The following SOS1 variants were observed in gnomAD, a reference collection of about 807,000 sequenced individuals.
SOS1 encodes the protein son of sevenless homolog 1.
SOS1 carries 25 observed loss-of-function variants against 157.6 expected under a neutral mutation model. That is an observed-to-expected ratio of 0.16 (90% confidence interval 0.12 to 0.22). SOS1 has a LOEUF of 0.22. Among genes scored for constraint, SOS1 ranks in the 10% least tolerant of loss-of-function variants. SOS1 has a pLI of 1.00. For missense variants in SOS1, 1,237 were observed against 1,599.1 expected, an observed-to-expected ratio of 0.77 and a Z score of 3.86; for synonymous variants, 528 against 534.0, an observed-to-expected ratio of 0.99 and a Z score of 0.16.
Position 38,984,201 on chromosome 2 carries a change from A to G in SOS1, c.*1623T>C, listed in dbSNP as rs1325014263. The G allele has an allele frequency of 1.3e-5, 1 of 74,936 alleles. No homozygotes were observed. The highest frequency in any genetic ancestry group is 2.7e-5 in the Non-Finnish European group (1 of 37,634). 4.6% of individuals were successfully genotyped at this position (74,936 alleles called of 1,614,324 possible). On this transcript the variant is annotated 3_prime_UTR_variant, in exon 23 of 23. Coordinates refer to ENST00000402219, the MANE Select transcript of SOS1 (RefSeq NM_005633.4). ...TTCATTATTCAGAGGATACATGCAG[A>G]TGCTGATGAACCAGATAAACTCTCT... is the stretch of plus-strand genomic sequence containing the variant.
Position 39,120,664 on chromosome 2 carries a change from A to G in SOS1, c.-242T>C, listed in dbSNP as rs1673845695. On this transcript the variant is annotated 5_prime_UTR_variant, in exon 1 of 23. It removes an upstream start codon present in the reference 5' UTR. Coordinates refer to ENST00000402219, the MANE Select transcript of SOS1 (RefSeq NM_005633.4). ...ACGGACGCGGCCCGGAGGCGGCGGC[A>G]TCCCGCACCACCGCCCCGGGGCCAG... Among the ~76,000 whole-genome samples, 2 of 146,554 alleles carry G rather than the reference A, an allele frequency of 1.4e-5. No homozygotes were observed. Among genetic ancestry groups the G allele is most frequent in the Admixed American group, 1.4e-4 (2 of 14,810 alleles).
At chr2:39,024,271 T>TTTA in intron 8 of SOS1, 134 bp from the exon 9 acceptor site, 1 of 766,428 alleles carries the variant, frequency 1.3e-6, no homozygotes, top group Non-Finnish European at 2.2e-6. Flanking sequence ...CAAATATTCT[T>TTTA]TTTAAAAGTG....
At chr2:39,110,400 C>G (rs1673378924) in intron 1 of SOS1, among the ~76,000 whole-genome samples, 1 of 150,268 alleles carries the variant, frequency 6.7e-6, no homozygotes, top group Non-Finnish European at 1.5e-5. Flanking sequence ...TGCACAGATG[C>G]AGAGGACTGA....
intron 20 of SOS1, chr2:38,993,860 A>G (rs1668811184): frequency 6.6e-6 from 1 of 152,238 alleles, no homozygotes; most frequent in Admixed American, 6.5e-5. Flanking sequence ...CGGTAAGGGC[A>G]TGTGGAAATG....
rs1390069051 is a variant in SOS1, at chr2:39,006,357, A to G, written c.2791+55T>C. 7.0e-6 allele frequency: 6 copies of G among 859,372 alleles called. No homozygotes were observed. The East Asian group carries it at 9.7e-5, about 14-fold the overall frequency. The allele number at this position is 859,372 out of a possible 1,614,324, so 53.2% of individuals were successfully genotyped here. On this transcript the variant is annotated intron_variant, in intron 17 of 22. Coordinates refer to ENST00000402219, the MANE Select transcript of SOS1 (RefSeq NM_005633.4). ...TGTAATTATTCAGTCATTTAATGAA[A>G]TGAGTGTTTTGTTTTATCCAGAAAT...
chr2:39,088,002 A>G (rs1672438780), intron 1 of SOS1, among the ~76,000 whole-genome samples: 1 of 151,196 alleles, frequency 6.6e-6, no homozygotes, highest in African/African-American at 2.4e-5. Context: ...GTAGAATGCT[A>G]AATAATTATT....
At chr2:39,106,479 T>C (rs1673188653) in intron 1 of SOS1, among the ~76,000 whole-genome samples, 2 of 147,784 alleles carry the variant, frequency 1.4e-5, no homozygotes, top group African/African-American at 5.0e-5. Context: ...TCGTCCCAGC[T>C]ACTTGGGAGG....
At chr2:39,118,196 T>C (rs1673726970) in intron 1 of SOS1, among the ~76,000 whole-genome samples, 1 of 152,196 alleles carries the variant, frequency 6.6e-6, no homozygotes, top group Non-Finnish European at 1.5e-5. Context: ...TCTAGAAGGA[T>C]GAGTAGTGTT....
At chr2:39,119,385 T>G (rs1299200244) in intron 1 of SOS1, among the ~76,000 whole-genome samples, 3 of 152,314 alleles carry the variant, frequency 2.0e-5, no homozygotes, top group Non-Finnish European at 4.4e-5. Context: ...TACTGGCCTT[T>G]GAGAAATATC....
intron 2 of SOS1, among the ~76,000 whole-genome samples, chr2:39,067,341 TG>T (rs1399415103): frequency 6.6e-6 from 1 of 152,154 alleles, no homozygotes; most frequent in African/African-American, 2.4e-5. Context: ...GATGCTGACA[TG>T]ATGCTCACTG....
At chr2:39,102,203 T>TAAAAAAA (rs1672992774) in intron 1 of SOS1, among the ~76,000 whole-genome samples, 1 of 1,214 alleles carries the variant, frequency 8.2e-4, no homozygotes, top group South Asian at 0.014. Flanking sequence ...AGACTCTGTC[T>TAAAAAAA]CAAAAAAAAA....
intron 1 of SOS1, among the ~76,000 whole-genome samples, chr2:39,104,319 A>G (rs1282046766): frequency 1.3e-5 from 2 of 152,306 alleles, no homozygotes; most frequent in East Asian, 3.9e-4. Flanking sequence ...AAAAGGGGCA[A>G]TGAATTTGAA....
Position 39,067,666 on chromosome 2 carries a change from G to T in SOS1, c.175C>A (p.Leu59Ile), listed in dbSNP as rs1442738935. 1 of 1,612,758 alleles carries T rather than the reference G, an allele frequency of 6.2e-7. No homozygotes were observed. Among genetic ancestry groups the T allele is most frequent in the Non-Finnish European group, 8.5e-7 (1 of 1,178,940 alleles). ...EELILQLLNM[L>I]CQAQPRSASD... ...GCACTTCGGGGCTGAGCTTGGCATA[G>T]CATATTTAATAATTGCAAAATTAAT... Residue 59 changes from leucine (L) to isoleucine (I), a missense_variant, in exon 2 of 23, where the codon CTA becomes ATA. By Grantham distance (5) the Leu-to-Ile change is conservative (BLOSUM62 2). Transcript: ENST00000402219.
chr2:39,049,875 C>T (rs1302878974), intron 6 of SOS1, among the ~76,000 whole-genome samples: 1 of 152,186 alleles, frequency 6.6e-6, no homozygotes, highest in South Asian at 2.1e-4. Flanking sequence ...CAGATTTTCC[C>T]AGCATCCTGT....
chr2:39,072,912 A>G (rs1005540472), intron 1 of SOS1, among the ~76,000 whole-genome samples: 2 of 152,200 alleles, frequency 1.3e-5, no homozygotes, highest in Non-Finnish European at 2.9e-5. Context: ...AAACAAAGGC[A>G]ATGGTCCATA....
At chr2:39,000,403 A>T (rs534079614) in intron 17 of SOS1, among the ~76,000 whole-genome samples, 2 of 152,328 alleles carry the variant, frequency 1.3e-5, no homozygotes, top group East Asian at 3.9e-4. Flanking sequence ...CCTGAGAATT[A>T]TATATTAGTA....
intron 1 of SOS1, chr2:39,082,610 A>T (rs1672244599): frequency 6.6e-6 from 1 of 152,204 alleles, no homozygotes; most frequent in Non-Finnish European, 1.5e-5. Context: ...GGCAGCACGT[A>T]TACTGAAAAC....
intron 1 of SOS1, among the ~76,000 whole-genome samples, chr2:39,094,568 C>T (rs1326898079): frequency 6.6e-6 from 1 of 152,024 alleles, no homozygotes; most frequent in Non-Finnish European, 1.5e-5. Context: ...CTGCTTGAAC[C>T]CGGGAGGCTG....
At chr2:39,040,075 G>A (rs574196283) in intron 6 of SOS1, among the ~76,000 whole-genome samples, 1 of 151,988 alleles carries the variant, frequency 6.6e-6, no homozygotes, top group South Asian at 2.1e-4. Flanking sequence ...GCAGTGGCGT[G>A]ACCTCGGCTC....
Sources: allele counts gnomAD v4.1 joint callset (sites outside exome capture counted in the v4.1 genomes callset), GRCh38; gene constraint gnomAD v4.1.1; transcripts MANE v1.5; gene names NCBI Gene and HGNC (gene_info 2026-07-23, HGNC 2026-07-21).